Variants in NTRK3 observed in about 807,000 individuals in gnomAD.
NTRK3 encodes the protein NT-3 growth factor receptor.
NTRK3 carries 24 observed loss-of-function variants against 91.7 expected under a neutral mutation model. That is an observed-to-expected ratio of 0.26 (90% CI 0.19 to 0.37). The LOEUF (loss-of-function observed/expected upper bound fraction) is 0.37. Ranked by LOEUF, NTRK3 falls within the 10% of genes least tolerant of loss-of-function variation. The pLI is 1.00. For missense variants in NTRK3, 880 were observed against 1,068.9 expected (o/e 0.82, Z 2.46); for synonymous variants, 483 against 404.0 (o/e 1.20, Z -2.34).
chr15:88,028,549 A>G (rs2078242471), intron 14 of NTRK3, among the ~76,000 whole-genome samples: 1 of 152,092 alleles, frequency 6.6e-6, no homozygotes, highest in Non-Finnish European at 1.5e-5. Flanking sequence ...GCAGACAGAC[A>G]CTACCTCAAG....
At chr15:88,016,429 C>T (rs879437485) in intron 14 of NTRK3, among the ~76,000 whole-genome samples, 12 of 152,220 alleles carry the variant, frequency 7.9e-5, no homozygotes, top group Non-Finnish European at 1.8e-4. Flanking sequence ...GGCCCATCAC[C>T]TTTTCTTATG....
chr15:88,133,919 G>A (rs541023258), intron 10 of NTRK3, among the ~76,000 whole-genome samples: 13 of 152,274 alleles, frequency 8.5e-5, no homozygotes, highest in East Asian at 1.9e-4. Context: ...ACATTTCTCC[G>A]ACTTTACTCT....
rs112605925 is a variant in NTRK3, at chr15:87,943,892, A to T, written c.1586-3139T>A. On this transcript the variant is annotated intron_variant, in intron 14 of 18. Coordinates refer to ENST00000394480, the Ensembl canonical transcript of NTRK3. The stretch of plus-strand genomic sequence containing the variant: ...CAAGTGACCATATTACTGGAAGCTC[A>T]TCTGCTCTCTGTGAGCACATGAAAA... Among the ~76,000 whole-genome samples, 1,477 of 152,148 alleles carry T rather than the reference A, an allele frequency of 9.7e-3. 28 individuals are homozygous for T. The highest frequency in any genetic ancestry group is 0.034 in the African/African-American group (1,395 of 41,514).
chr15:87,981,130 A>C, intron 14 of NTRK3: 7 of 1,542,860 alleles, frequency 4.5e-6, no homozygotes, highest in Non-Finnish European at 6.1e-6. Context: ...TCCACGAAAT[A>C]TATGGAGGCT....
chr15:88,091,505 T>G (rs2049010493), intron 13 of NTRK3, among the ~76,000 whole-genome samples: 1 of 152,256 alleles, frequency 6.6e-6, no homozygotes, highest in South Asian at 2.1e-4. Flanking sequence ...AGAAGTATTC[T>G]GTGCCTGATT....
Position 88,032,780 on chromosome 15 carries a change from C to T in NTRK3, c.1585+77G>A, listed in dbSNP as rs965587754. ...GGTAGCAGGTCACCCTAGAAGGTTCCAGAACCCCAGGTACATGGTCTATCA... is the reference window on the plus strand; with the variant it reads ...GGTAGCAGGTCACCCTAGAAGGTTCTAGAACCCCAGGTACATGGTCTATCA... On this transcript the variant is annotated intron_variant, in intron 14 of 18. Coordinates refer to ENST00000394480, the Ensembl canonical transcript of NTRK3. 1.9e-6 allele frequency: 3 copies of T among 1,543,034 alleles called. No homozygotes were observed. The South Asian group carries it at 3.4e-5, about 18-fold the overall frequency.
chr15:88,211,034 C>T (rs1239384186), intron 3 of NTRK3, among the ~76,000 whole-genome samples: 1 of 152,172 alleles, frequency 6.6e-6, no homozygotes, highest in East Asian at 1.9e-4. Flanking sequence ...GGCAAATTTA[C>T]ATAACATAAA....
At chr15:87,884,764 G>C (rs1161370887) in intron 17 of NTRK3, among the ~76,000 whole-genome samples, 1 of 151,638 alleles carries the variant, frequency 6.6e-6, no homozygotes, top group Non-Finnish European at 1.5e-5. Context: ...TTTCAAAAAT[G>C]CCAAAAATTT....
At chr15:88,212,443 C>A (rs2049335288) in intron 3 of NTRK3, among the ~76,000 whole-genome samples, 1 of 152,164 alleles carries the variant, frequency 6.6e-6, no homozygotes, top group African/African-American at 2.4e-5. Context: ...TTAACACGTG[C>A]CCATAGTGCA....
At chr15:88,032,865 G>A (rs371590703) in exon 14 of NTRK3, 178 of 1,613,558 alleles carry the variant, frequency 1.1e-4, no homozygotes, top group Non-Finnish European at 1.4e-4. Flanking sequence ...ACACGTGTCC[G>A]GCTTGTGGCA....
At chr15:87,961,135 C>T (rs182032840) in intron 14 of NTRK3, among the ~76,000 whole-genome samples, 20 of 152,274 alleles carry the variant, frequency 1.3e-4, no homozygotes, top group African/African-American at 4.6e-4. Flanking sequence ...TCACTTATCT[C>T]GACAGACATA....
chr15:88,055,433 C>A (rs1226396860), intron 13 of NTRK3, among the ~76,000 whole-genome samples: 5 of 152,150 alleles, frequency 3.3e-5, no homozygotes, highest in African/African-American at 1.2e-4. Flanking sequence ...TATGAACAAT[C>A]AAATAACATA....
At chr15:87,993,306 T>A (rs1475176036) in intron 14 of NTRK3, among the ~76,000 whole-genome samples, 2 of 152,200 alleles carry the variant, frequency 1.3e-5, no homozygotes, top group African/African-American at 4.8e-5. Context: ...GCAGATTATC[T>A]AAGATCAAGA....
chr15:87,991,331 C>G (rs1004621564), intron 14 of NTRK3, among the ~76,000 whole-genome samples: 10 of 152,156 alleles, frequency 6.6e-5, no homozygotes, highest in African/African-American at 2.4e-4. Context: ...CATCCAAAAC[C>G]TACCGGATTG....
At chr15:87,863,730 T>C (rs571418439) in exon 19 of NTRK3, 1 of 228,252 alleles carries the variant, frequency 4.4e-6, no homozygotes, top group African/African-American at 2.2e-5. Context: ...CACCTACTGA[T>C]TTCTTTTTCT....
At chr15:87,864,073 C>T (rs1277567732) in exon 19 of NTRK3, 1 of 232,570 alleles carries the variant, frequency 4.3e-6, no homozygotes, top group South Asian at 1.8e-4. Context: ...CTTCCCCCAA[C>T]AGTACACAAA....
chr15:88,029,477 A>C (rs148056769), intron 14 of NTRK3, among the ~76,000 whole-genome samples: 1 of 152,236 alleles, frequency 6.6e-6, no homozygotes, highest in Non-Finnish European at 1.5e-5. Flanking sequence ...TAATAAATAC[A>C]TAAGTACAGA....
At chr15:87,955,342 G>T (rs1170839118) in intron 14 of NTRK3, among the ~76,000 whole-genome samples, 2 of 152,188 alleles carry the variant, frequency 1.3e-5, no homozygotes, top group Non-Finnish European at 1.5e-5. Context: ...AACTCTGACT[G>T]CCCTAGGCCA....
chr15:88,073,906 C>G (rs1037074979), intron 13 of NTRK3, among the ~76,000 whole-genome samples: 3 of 151,826 alleles, frequency 2.0e-5, no homozygotes, highest in Admixed American at 2.0e-4. Flanking sequence ...GTTTTTATTT[C>G]TTTGTTTGTT....
Sources: allele counts gnomAD v4.1 joint callset (sites outside exome capture counted in the v4.1 genomes callset), GRCh38; gene constraint gnomAD v4.1.1; transcripts MANE v1.5; gene names NCBI Gene and HGNC (gene_info 2026-07-23, HGNC 2026-07-21).